Variants in ANKRD11 observed in about 807,000 individuals in gnomAD.
ANKRD11 encodes ankyrin repeat domain-containing protein 11.
Under a neutral mutation model 195.7 loss-of-function variants are expected in ANKRD11, and 17 were observed. That is an observed-to-expected ratio of 0.09 (90% CI 0.06 to 0.13). ANKRD11 has a LOEUF of 0.13. Ranked by LOEUF, ANKRD11 falls within the 10% of genes least tolerant of loss-of-function variation. The probability of loss-of-function intolerance (pLI) is 1.00; values close to 1 mark genes in which losing one functional copy is unlikely to be tolerated. For synonymous variants in ANKRD11, 1,953 were observed against 1,528.1 expected, an observed-to-expected ratio of 1.28 and a Z score of -6.49; for missense variants, 3,735 against 3,566.1, an observed-to-expected ratio of 1.05 and a Z score of -1.21.
chr16:89,333,069 G>A (rs1384817876), intron 2 of ANKRD11, among the ~76,000 whole-genome samples: 1 of 152,144 alleles, frequency 6.6e-6, no homozygotes, highest in Non-Finnish European at 1.5e-5. Context: ...CCCCTGTGGG[G>A]CATGCAGAAA....
intron 2 of ANKRD11, among the ~76,000 whole-genome samples, chr16:89,366,129 C>CAAAAAAAAAA (rs71387689): frequency 3.3e-5 from 2 of 60,440 alleles, no homozygotes; most frequent in African/African-American, 1.2e-4. Flanking sequence ...GACTCCATCT[C>CAAAAAAAAAA]AAAAAAAAAA....
At chr16:89,304,010 C>T (rs1459664173) in intron 4 of ANKRD11, among the ~76,000 whole-genome samples, 4 of 152,252 alleles carry the variant, frequency 2.6e-5, no homozygotes, top group African/African-American at 7.2e-5. Context: ...TCAGCACTCT[C>T]CCGGTTCACT....
intron 1 of ANKRD11, among the ~76,000 whole-genome samples, chr16:89,426,264 A>G (rs946883406): frequency 2.0e-5 from 3 of 152,192 alleles, no homozygotes; most frequent in Non-Finnish European, 2.9e-5. Context: ...TTAGAGGAGG[A>G]CAAAGGCATG....
At chr16:89,276,515 G>T (rs948651399) in intron 9 of ANKRD11, among the ~76,000 whole-genome samples, 1 of 152,162 alleles carries the variant, frequency 6.6e-6, no homozygotes, top group Non-Finnish European at 1.5e-5. Flanking sequence ...ACGCCTATAG[G>T]CTCCTGCCTA....
intron 2 of ANKRD11, among the ~76,000 whole-genome samples, chr16:89,334,053 T>A (rs929551558): frequency 1.4e-5 from 2 of 147,388 alleles, no homozygotes; most frequent in Non-Finnish European, 3.0e-5. Context: ...GGCTCAAGCC[T>A]GTAAAACAAG....
intron 2 of ANKRD11, chr16:89,323,138 G>A (rs979647537): frequency 2.8e-6 from 1 of 359,376 alleles, no homozygotes; most frequent in Admixed American, 3.7e-5. Flanking sequence ...TGGAAAGGGA[G>A]AAGCACGGTC....
chr16:89,335,256 C>T (rs2038290344), intron 2 of ANKRD11, among the ~76,000 whole-genome samples: 1 of 152,164 alleles, frequency 6.6e-6, no homozygotes, highest in African/African-American at 2.4e-5. Flanking sequence ...CCTCACACCA[C>T]CCCTGTTCCC....
At chr16:89,414,047 G>T (rs2042202277) in intron 2 of ANKRD11, among the ~76,000 whole-genome samples, 2 of 150,904 alleles carry the variant, frequency 1.3e-5, no homozygotes, top group Non-Finnish European at 3.0e-5. Context: ...CTCCGCCACG[G>T]GCCTGCACAC....
intron 3 of ANKRD11, among the ~76,000 whole-genome samples, chr16:89,316,300 C>T (rs962013641): frequency 2.0e-5 from 3 of 152,140 alleles, no homozygotes; most frequent in South Asian, 2.1e-4. Flanking sequence ...TCCAAGTTCA[C>T]ATTCGCTGGG....
At chr16:89,390,400 C>T (rs1398923231) in intron 2 of ANKRD11, among the ~76,000 whole-genome samples, 1 of 152,218 alleles carries the variant, frequency 6.6e-6, no homozygotes, top group South Asian at 2.1e-4. Context: ...GGATCAAACC[C>T]CGAGTGTGGC....
intron 1 of ANKRD11, among the ~76,000 whole-genome samples, chr16:89,450,990 C>A (rs1408566088): frequency 1.3e-5 from 2 of 152,142 alleles, no homozygotes; most frequent in Non-Finnish European, 2.9e-5. Flanking sequence ...TCGGGGTGAT[C>A]AGAGGTGAGC....
In ANKRD11 at chr16:89,280,968, C is replaced by G. The variant is rs775649989; in HGVS notation, c.5574G>C (p.Pro1858=). 6.4e-7 allele frequency: 1 copy of G among 1,570,292 alleles called. No individual in the cohort carries two copies. The highest frequency in any genetic ancestry group is 8.7e-7 in the Non-Finnish European group (1 of 1,155,460). Residue 1858 remains proline (P), a synonymous_variant, in exon 9 of 13, where the codon CCG becomes CCC. Coordinates refer to ENST00000301030, the MANE Select transcript of ANKRD11 (RefSeq NM_013275.6). ...PGYYSPDYGL[P]SPKVDALHCP... ...AGTGCAAAGCGTCGACTTTGGGCGACGGGAGGCCATAGTCTGGGGAGTAGT... is the reference window on the plus strand; with the variant it reads ...AGTGCAAAGCGTCGACTTTGGGCGAGGGGAGGCCATAGTCTGGGGAGTAGT...
rs199778705 is a variant in ANKRD11, at chr16:89,286,093, C to A, written c.838G>T (p.Val280Leu). ...GTGCCTTTGCCTAACAGGAGGTTCACCATCGTGGGGGAGTTGGCCACTTTC... is the reference window on the plus strand; with the variant it reads ...GTGCCTTTGCCTAACAGGAGGTTCAACATCGTGGGGGAGTTGGCCACTTTC... ...PLKVANSPTM[V>L]NLLLGKGTYT... is the part of the protein sequence containing the mutation. Residue 280 changes from valine (V) to leucine (L), a missense_variant, in exon 8 of 13, where the codon GTG (valine) becomes TTG (leucine). Val to Leu is a conservative substitution (Grantham distance 32). Coordinates refer to ENST00000301030, the MANE Select transcript of ANKRD11 (RefSeq NM_013275.6). 3.6e-4 allele frequency: 582 copies of A among 1,614,218 alleles called. No homozygotes were observed. Among genetic ancestry groups the A allele is most frequent in the Non-Finnish European group, 4.6e-4 (547 of 1,180,030 alleles).
chr16:89,318,231 C>T (rs910009013), intron 2 of ANKRD11, among the ~76,000 whole-genome samples: 1 of 152,232 alleles, frequency 6.6e-6, no homozygotes, highest in African/African-American at 2.4e-5. Flanking sequence ...GGCATGGACA[C>T]TCTCGGAGCA....
At chr16:89,301,043 A>G in intron 4 of ANKRD11, 1 of 571,074 alleles carries the variant, frequency 1.8e-6, no homozygotes, top group East Asian at 3.1e-5. Context: ...CCAGAACCCC[A>G]GGGAGGCCAG....
intron 1 of ANKRD11, among the ~76,000 whole-genome samples, chr16:89,457,897 C>A (rs569648083): frequency 1.3e-5 from 2 of 152,214 alleles, no homozygotes; most frequent in South Asian, 4.1e-4. Context: ...TGAATGGAGC[C>A]ACGCGAACCA....
intron 1 of ANKRD11, among the ~76,000 whole-genome samples, chr16:89,431,736 A>G (rs1408757351): frequency 6.6e-6 from 1 of 152,136 alleles, no homozygotes; most frequent in East Asian, 1.9e-4. Context: ...CAGCTCTGCC[A>G]ATCAGAGTTG....
At chr16:89,358,458 C>G (rs572616956) in intron 2 of ANKRD11, among the ~76,000 whole-genome samples, 2 of 152,216 alleles carry the variant, frequency 1.3e-5, no homozygotes, top group South Asian at 4.1e-4. Context: ...GGGTTGGTAA[C>G]TGGATTGTTT....
At chr16:89,466,912 G>C (rs1285851635) in intron 1 of ANKRD11, among the ~76,000 whole-genome samples, 1 of 152,228 alleles carries the variant, frequency 6.6e-6, no homozygotes, top group Non-Finnish European at 1.5e-5. Context: ...GGAGATGAAA[G>C]CCCTAGCCCT....
Sources: gnomAD v4.1 joint callset for allele counts (sites outside exome capture counted in the v4.1 genomes callset) on GRCh38, gnomAD v4.1.1 for gene constraint, MANE v1.5 for transcripts, NCBI Gene and HGNC (gene_info 2026-07-23, HGNC 2026-07-21) for gene names.